Variants in ANK3 observed in about 807,000 individuals in gnomAD.
ANK3 encodes ankyrin-3.
ANK3 carries 57 observed loss-of-function variants against 370.9 expected under a neutral mutation model. That is an observed-to-expected ratio of 0.15 (90% CI 0.12 to 0.19). The LOEUF is 0.19. ANK3 is among the 10% of genes least tolerant of loss of function. The pLI is 1.00. For synonymous variants in ANK3, 1,929 were observed against 1,946.3 expected (o/e 0.99, Z 0.23); for missense variants, 4,439 against 5,302.1 (o/e 0.84, Z 5.06).
At chr10:60,484,237 A>G (rs2075294245) in intron 2 of ANK3, among the ~76,000 whole-genome samples, 1 of 152,204 alleles carries the variant, frequency 6.6e-6, no homozygotes, top group African/African-American at 2.4e-5. Context: ...GAAATGAGAG[A>G]CAACCTTAGA....
chr10:60,496,343 T>C (rs2075655676), intron 2 of ANK3, among the ~76,000 whole-genome samples: 1 of 152,194 alleles, frequency 6.6e-6, no homozygotes, highest in South Asian at 2.1e-4. Context: ...GACTCTGTAG[T>C]ACTCATGATG....
chr10:60,474,940 A>G (rs1403199878), intron 2 of ANK3, among the ~76,000 whole-genome samples: 1 of 152,108 alleles, frequency 6.6e-6, no homozygotes, highest in Non-Finnish European at 1.5e-5. Flanking sequence ...CAACATTTTT[A>G]TATTTTAAAA....
At chr10:60,440,960 A>C (rs2064286563) in intron 2 of ANK3, among the ~76,000 whole-genome samples, 1 of 152,148 alleles carries the variant, frequency 6.6e-6, no homozygotes, top group African/African-American at 2.4e-5. Context: ...GAGTTTGAGG[A>C]GCTTGTGGGA....
chr10:60,311,294 CAAGA>C (rs1312735281), intron 1 of ANK3, among the ~76,000 whole-genome samples: 1 of 152,122 alleles, frequency 6.6e-6, no homozygotes, highest in Non-Finnish European at 1.5e-5. Context: ...AACTAGCCAT[CAAGA>C]AAGGGCTGTT....
At chr10:60,195,981 A>G (rs2096580222) in intron 16 of ANK3, among the ~76,000 whole-genome samples, 164 bp downstream of exon 16, 2 of 152,210 alleles carry the variant, frequency 1.3e-5, no homozygotes, top group African/African-American at 4.8e-5. Context: ...ATATTAGCAG[A>G]CTAAATCACT....
intron 1 of ANK3, among the ~76,000 whole-genome samples, chr10:60,328,402 T>C (rs2050390295): frequency 6.6e-6 from 1 of 152,204 alleles, no homozygotes; most frequent in Non-Finnish European, 1.5e-5. Flanking sequence ...TCTTTATTTA[T>C]ACTTAGGAGC....
intron 1 of ANK3, among the ~76,000 whole-genome samples, chr10:60,701,260 GA>G (rs954021579): frequency 2.3e-4 from 35 of 149,846 alleles, no homozygotes; most frequent in South Asian, 4.3e-4. Flanking sequence ...AAGGCTGTGA[GA>G]AAAAAAAACA....
At chr10:60,687,170 C>T (rs1279979992) in intron 1 of ANK3, among the ~76,000 whole-genome samples, 1 of 152,150 alleles carries the variant, frequency 6.6e-6, no homozygotes, top group African/African-American at 2.4e-5. Context: ...ACACATTCTT[C>T]AGAACATATC....
At chr10:60,582,547 A>T (rs2077769275) in intron 2 of ANK3, among the ~76,000 whole-genome samples, 1 of 151,946 alleles carries the variant, frequency 6.6e-6, no homozygotes, top group South Asian at 2.1e-4. Flanking sequence ...AAGGTCACCA[A>T]GGCCCAATGG....
chr10:60,505,183 G>T (rs982230888), intron 2 of ANK3, among the ~76,000 whole-genome samples: 1 of 152,004 alleles, frequency 6.6e-6, no homozygotes, highest in Non-Finnish European at 1.5e-5. Flanking sequence ...ACTTTTGTGC[G>T]TGATTTTTAT....
Position 60,674,059 on chromosome 10 carries a change from C to T in ANK3, c.58-58835G>A, listed in dbSNP as rs142180465. Among the ~76,000 whole-genome samples, 825 of 152,056 alleles carry T rather than the reference C, an allele frequency of 5.4e-3. 21 individuals carry two copies. The highest frequency in any genetic ancestry group is 0.044 in the Admixed American group (678 of 15,264). ...AATGTTTAGTAGCCTTCCTTGATTG[C>T]GGGTTCCAAACTAAAGTCCATACAT... On this transcript the variant is annotated intron_variant, in intron 1 of 43. Transcript: ENST00000373827.
In ANK3 at chr10:60,254,982, T is replaced by C. The variant is rs531946772; in HGVS notation, c.798+6877A>G. ...TCCAGGGATTCCAAAATGTGTAAGATGACACAGGTCTGTTCTTGGGGAATT... is the reference window on the plus strand; with the variant it reads ...TCCAGGGATTCCAAAATGTGTAAGACGACACAGGTCTGTTCTTGGGGAATT... On this transcript the variant is annotated intron_variant, in intron 7 of 43. Coordinates refer to ENST00000280772, the MANE Select transcript of ANK3 (RefSeq NM_020987.5). Among the ~76,000 whole-genome samples, 6 of 152,286 alleles carry C rather than the reference T, an allele frequency of 3.9e-5. No individual in the cohort carries two copies. The South Asian group carries it at 1.2e-3, about 32-fold the overall frequency.
At chr10:60,205,679 T>C (rs899346930) in intron 11 of ANK3, 113 bp downstream of exon 11, 18 of 756,558 alleles carry the variant, frequency 2.4e-5, no homozygotes, top group Non-Finnish European at 4.0e-5. Context: ...ATGCAGTCTA[T>C]GGCCATGATA....
chr10:60,664,424 A>T (rs1387199165), intron 1 of ANK3, among the ~76,000 whole-genome samples: 1 of 152,268 alleles, frequency 6.6e-6, no homozygotes, highest in Non-Finnish European at 1.5e-5. Context: ...GTGTACAAAG[A>T]TAGCAGAGAA....
chr10:60,239,942 A>C (rs958380691), intron 7 of ANK3, among the ~76,000 whole-genome samples: 2 of 151,084 alleles, frequency 1.3e-5, no homozygotes, highest in African/African-American at 4.9e-5. Context: ...AAATAAGATA[A>C]ATTTTTATAC....
intron 34 of ANK3, 139 bp from the exon 35 acceptor site, chr10:60,082,315 G>A: frequency 2.4e-6 from 2 of 837,362 alleles, no homozygotes; most frequent in Non-Finnish European, 3.7e-6. Context: ...TTTAAAAAAA[G>A]CCAACAAAAA....
chr10:60,483,065 A>G (rs1243485879), intron 2 of ANK3, among the ~76,000 whole-genome samples: 4 of 152,218 alleles, frequency 2.6e-5, no homozygotes, highest in Admixed American at 2.6e-4. Flanking sequence ...TATCTTGTTT[A>G]ATCCTTGTAA....
At chr10:60,617,000 C>T (rs1219941201) in intron 1 of ANK3, among the ~76,000 whole-genome samples, 2 of 152,020 alleles carry the variant, frequency 1.3e-5, no homozygotes, top group Non-Finnish European at 2.9e-5. Context: ...ACTGTCTTTA[C>T]TCAGGATGTT....
At chr10:60,426,477 A>C (rs985375874) in intron 2 of ANK3, among the ~76,000 whole-genome samples, 1 of 152,038 alleles carries the variant, frequency 6.6e-6, no homozygotes, top group Admixed American at 6.6e-5. Context: ...TTTGTCTTAC[A>C]ATTTCTTTAA....
Sources: allele counts gnomAD v4.1 joint callset (sites outside exome capture counted in the v4.1 genomes callset), GRCh38; gene constraint gnomAD v4.1.1; transcripts MANE v1.5; gene names NCBI Gene and HGNC (gene_info 2026-07-23, HGNC 2026-07-21).